MORF4L1: variants seen among roughly 807,000 people sequenced by gnomAD.
MORF4L1 encodes the protein mortality factor 4 like 1, also known as mortality factor 4-like protein 1.
A neutral mutation model predicts 52.9 loss-of-function variants in MORF4L1; 4 were observed. The observed-to-expected ratio is 0.08, with a 90% CI of 0.04 to 0.17. The LOEUF (loss-of-function observed/expected upper bound fraction) is 0.17. Among genes scored for constraint, MORF4L1 ranks in the 10% least tolerant of loss-of-function variants. MORF4L1 has a pLI of 1.00. For synonymous variants in MORF4L1, 123 were observed against 134.8 expected (o/e 0.91, Z 0.61); for missense variants, 214 against 390.4 (o/e 0.55, Z 3.81).
Position 78,894,247 on chromosome 15 carries a change from A to G in MORF4L1, c.802+17A>G. On this transcript the variant is annotated intron_variant, in intron 10 of 11. Coordinates refer to ENST00000426013, the MANE Select transcript of MORF4L1 (RefSeq NM_006791.4). ...GATTATTTGGTAATATGTCATGTAGAAAATAATGGATTTTACTTTTTGGGG... is the reference window on the plus strand; with the variant it reads ...GATTATTTGGTAATATGTCATGTAGGAAATAATGGATTTTACTTTTTGGGG... 6.3e-7 allele frequency: 1 copy of G among 1,577,282 alleles called. No individual in the cohort carries two copies. Among genetic ancestry groups the G allele is most frequent in the Non-Finnish European group, 8.6e-7 (1 of 1,162,970 alleles).
chr15:78,894,454 G>A lies in MORF4L1; in HGVS notation c.802+224G>A, dbSNP rs2056851871. On this transcript the variant is annotated intron_variant, in intron 10 of 11. Coordinates refer to ENST00000426013, the MANE Select transcript of MORF4L1 (RefSeq NM_006791.4). ...GAGACAGACAGTCTCTGTTGCCCAG[G>A]CTGGAGTGCAGTGGTGCGATCTTTG... 4 of 378,724 alleles carry A rather than the reference G, an allele frequency of 1.1e-5. No homozygotes were observed. In the Admixed American group the frequency reaches 1.7e-4, roughly 16 times the overall value. 23.5% of individuals were successfully genotyped at this position (378,724 alleles called of 1,614,324 possible).
At chr15:78,891,989 C>T (rs1393170530) in intron 7 of MORF4L1, among the ~76,000 whole-genome samples, 1 of 152,156 alleles carries the variant, frequency 6.6e-6, no homozygotes, top group Non-Finnish European at 1.5e-5. Flanking sequence ...TTTACCTTTA[C>T]AAGAAAATGC....
chr15:78,874,087 AT>A (rs1307970146), intron 1 of MORF4L1, among the ~76,000 whole-genome samples: 1 of 152,176 alleles, frequency 6.6e-6, no homozygotes, highest in Non-Finnish European at 1.5e-5. Flanking sequence ...AGCTCTTTAA[AT>A]TTTCACAACG....
At chr15:78,879,832 G>GTTA (rs1303940564) in intron 2 of MORF4L1, among the ~76,000 whole-genome samples, 4 of 151,224 alleles carry the variant, frequency 2.6e-5, no homozygotes, top group Non-Finnish European at 5.9e-5. Flanking sequence ...TGTTGTTATT[G>GTTA]TTGTATCAAC....
chr15:78,886,637 CAAAGTTGAAATGTATTTT>C (rs1476358447), intron 4 of MORF4L1, among the ~76,000 whole-genome samples: 2 of 152,094 alleles, frequency 1.3e-5, no homozygotes, highest in Admixed American at 1.3e-4. Flanking sequence ...AGGGTAATCT[CAAAGTTGAAATGTATTTT>C]TAAAAAAATT....
chr15:78,888,310 A>T (rs1245332581), intron 5 of MORF4L1, among the ~76,000 whole-genome samples: 1 of 152,002 alleles, frequency 6.6e-6, no homozygotes, highest in African/African-American at 2.4e-5. Context: ...ACAGAAAAAT[A>T]AAAAAATTAG....
intron 2 of MORF4L1, 62 bp downstream of exon 2, chr15:78,878,321 A>T: frequency 6.8e-7 from 1 of 1,477,798 alleles, no homozygotes; most frequent in Admixed American, 1.8e-5. Flanking sequence ...TGGCCATTTA[A>T]TATACAAGTA....
chr15:78,885,591 TC>T (rs2056688052), intron 3 of MORF4L1, among the ~76,000 whole-genome samples: 2 of 152,234 alleles, frequency 1.3e-5, no homozygotes, highest in Middle Eastern at 3.2e-3. Flanking sequence ...ATTGTAGACT[TC>T]CTAATATGTT....
At chr15:78,873,833 TG>T (rs938442987) in intron 1 of MORF4L1, 3 of 152,268 alleles carry the variant, frequency 2.0e-5, no homozygotes, top group African/African-American at 7.2e-5. Context: ...CGAGATCCTA[TG>T]GTAATGTGAG....
chr15:78,885,122 TTCAGGATTGC>T, intron 3 of MORF4L1: 1 of 1,454,300 alleles, frequency 6.9e-7, no homozygotes, highest in Non-Finnish European at 9.6e-7. Context: ...GGAAATCATG[TTCAGGATTGC>T]TTTTTATTAT....
chr15:78,884,408 G>A (rs1186866009), intron 3 of MORF4L1, among the ~76,000 whole-genome samples: 4 of 152,000 alleles, frequency 2.6e-5, no homozygotes, highest in African/African-American at 7.2e-5. Context: ...GGAAGCCGAG[G>A]GTGGGCGGAT....
intron 7 of MORF4L1, 75 bp from the exon 8 acceptor site, chr15:78,892,135 TAA>T: frequency 2.0e-6 from 2 of 985,286 alleles, no homozygotes; most frequent in Non-Finnish European, 3.1e-6. Context: ...CTAGTGCCTC[TAA>T]AAGTCAGCTC....
At chr15:78,893,748 T>G (rs2056839146) in intron 9 of MORF4L1, 121 bp downstream of exon 9, 1 of 697,246 alleles carries the variant, frequency 1.4e-6, no homozygotes, top group Non-Finnish European at 2.4e-6. Context: ...CAAAATAGAA[T>G]TTCACTGCTT....
chr15:78,873,074 G>A lies in MORF4L1; in HGVS notation c.40+17G>A. ...TCCAGGAGGGTGAGTGTGCGCCTTT[G>A]GGAAAAAGGCACCTAACGGCGCAGG... On this transcript the variant is annotated intron_variant, in intron 1 of 11. Coordinates refer to ENST00000426013, the MANE Select transcript of MORF4L1 (RefSeq NM_006791.4). 1 of 1,551,004 alleles carries A rather than the reference G, an allele frequency of 6.4e-7. No homozygotes were observed. Among genetic ancestry groups the A allele is most frequent in the South Asian group, 1.2e-5 (1 of 83,996 alleles).
intron 1 of MORF4L1, among the ~76,000 whole-genome samples, chr15:78,875,056 A>G (rs776114859): frequency 6.6e-6 from 1 of 152,180 alleles, no homozygotes; most frequent in Non-Finnish European, 1.5e-5. Context: ...TAGTTATTGT[A>G]TTAGCAGCCA....
At position 78,891,561 on chromosome 15, in the gene MORF4L1, A is replaced by T. The variant is rs756808607; in HGVS notation, c.427A>T (p.Thr143Ser). 2 of 1,612,424 alleles carry T rather than the reference A, an allele frequency of 1.2e-6. No individual in the cohort carries two copies. Among genetic ancestry groups the T allele is most frequent in the Non-Finnish European group, 1.7e-6 (2 of 1,178,780 alleles). The change falls in exon 7 of 12, where the codon ACT (threonine) becomes TCT (serine). Residue 143 changes from threonine to serine, a missense_variant. Physicochemically the swap from Thr to Ser is moderately conservative, Grantham distance 58. Transcript: ENST00000426013. ...PRKKRARVDP[T>S]VENEETFMNR... Reference sequence around the variant, plus strand: ...GAAGAAAAGGGCCCGGGTAGATCCTACTGTTGAAAATGTGAGTTTTTCTTG... The same window carrying T: ...GAAGAAAAGGGCCCGGGTAGATCCTTCTGTTGAAAATGTGAGTTTTTCTTG...
At chr15:78,875,590 C>CAGCCTGGTGAGCCTGGTG (rs56151949) in intron 1 of MORF4L1, among the ~76,000 whole-genome samples, 1 of 151,728 alleles carries the variant, frequency 6.6e-6, no homozygotes, top group Non-Finnish European at 1.5e-5. Context: ...CCAGCCTGGT[C>CAGCCTGGTGAGCCTGGTG]AGCCTGGTGA....
intron 11 of MORF4L1, among the ~76,000 whole-genome samples, chr15:78,895,214 AT>A (rs774178631): frequency 1.3e-5 from 2 of 152,232 alleles, no homozygotes; most frequent in Non-Finnish European, 2.9e-5. Flanking sequence ...GAAGTTTAAA[AT>A]TAAATTGTTA....
intron 5 of MORF4L1, among the ~76,000 whole-genome samples, chr15:78,888,397 G>T (rs2056743243): frequency 6.6e-6 from 1 of 151,824 alleles, no homozygotes; most frequent in South Asian, 2.1e-4. Context: ...AGCCCAGGAG[G>T]TCAAGGCTGC....
Sources: allele counts gnomAD v4.1 joint callset (sites outside exome capture counted in the v4.1 genomes callset), GRCh38; gene constraint gnomAD v4.1.1; transcripts MANE v1.5; gene names NCBI Gene and HGNC (gene_info 2026-07-23, HGNC 2026-07-21).